POLN: variants seen among roughly 807,000 people sequenced by gnomAD.
POLN encodes the protein DNA polymerase nu.
A neutral mutation model predicts 113.5 loss-of-function variants in POLN; 108 were observed. The ratio of observed to expected loss-of-function variants is 0.95; its 90% CI spans 0.81 to 1.12. The LOEUF (loss-of-function observed/expected upper bound fraction) is 1.12, where lower values mean the gene tolerates loss of function less well. POLN is among the 50% of genes most tolerant of loss of function. The pLI is 0.00. For synonymous variants in POLN, 386 were observed against 391.5 expected (o/e 0.99, Z 0.17); for missense variants, 1,097 against 1,077.1 (o/e 1.02, Z -0.26).
At chr4:2,105,010 T>A (rs543576905) in intron 19 of POLN, among the ~76,000 whole-genome samples, 2 of 152,284 alleles carry the variant, frequency 1.3e-5, no homozygotes, top group South Asian at 4.1e-4. Flanking sequence ...CAGCTACCCT[T>A]TGTTGAGATC....
intron 2 of POLN, chr4:2,240,860 CCAGT>C (rs768714442): frequency 1.1e-5 from 17 of 1,612,776 alleles, no homozygotes; most frequent in East Asian, 4.5e-5. Context: ...CCTCAAACAA[CCAGT>C]CAAAGTCTTC....
chr4:2,237,368 G>A (rs915699238), intron 2 of POLN, among the ~76,000 whole-genome samples: 4 of 146,846 alleles, frequency 2.7e-5, no homozygotes, highest in African/African-American at 1.0e-4. Flanking sequence ...CCCAGGAGCT[G>A]GAGGTTGCAG....
At chr4:2,156,992 C>T in intron 15 of POLN, 139 bp from the exon 16 acceptor site, 1 of 684,698 alleles carries the variant, frequency 1.5e-6, no homozygotes, top group East Asian at 2.7e-5. Flanking sequence ...AACTTCCAAC[C>T]CTGAAATGTC....
chr4:2,106,410 G>A lies in POLN; in HGVS notation c.1983-10477C>T, dbSNP rs1472331112. On this transcript the variant is annotated intron_variant, in intron 19 of 25. Coordinates refer to ENST00000511885, the MANE Select transcript of POLN (RefSeq NM_181808.4). ...ACTTTAGAATGTATTGCCATGTCCTGTGACAATCATCTCGAAGAAGTCTTA... is the reference window on the plus strand; with the variant it reads ...ACTTTAGAATGTATTGCCATGTCCTATGACAATCATCTCGAAGAAGTCTTA... Among the ~76,000 whole-genome samples the A allele has an allele frequency of 2.0e-5, 3 of 152,214 alleles. No homozygotes were observed. The East Asian group carries it at 5.8e-4, about 29-fold the overall frequency.
intron 16 of POLN, among the ~76,000 whole-genome samples, chr4:2,153,022 G>A (rs561949725): frequency 6.6e-6 from 1 of 152,296 alleles, no homozygotes; most frequent in African/African-American, 2.4e-5. Context: ...CAATACAACA[G>A]GACATACGTG....
At chr4:2,154,519 G>C (rs1732376618) in intron 16 of POLN, among the ~76,000 whole-genome samples, 1 of 152,138 alleles carries the variant, frequency 6.6e-6, no homozygotes, top group Non-Finnish European at 1.5e-5. Context: ...GTGTTGGCAA[G>C]GATTAAGGGA....
At chr4:2,163,878 A>G (rs143768756) in intron 13 of POLN, among the ~76,000 whole-genome samples, 276 of 152,312 alleles carry the variant, frequency 1.8e-3, no homozygotes, top group Non-Finnish European at 2.9e-3. Flanking sequence ...CTGTTTTGTG[A>G]TACGGCACAT....
At chr4:2,101,914 T>G (rs1357728522) in intron 19 of POLN, among the ~76,000 whole-genome samples, 1 of 152,064 alleles carries the variant, frequency 6.6e-6, no homozygotes, top group Non-Finnish European at 1.5e-5. Context: ...AGGGCTGAAT[T>G]GTGGGTTAGA....
intron 5 of POLN, among the ~76,000 whole-genome samples, chr4:2,204,213 T>G (rs1294715094): frequency 1.1e-5 from 1 of 92,346 alleles, no homozygotes; most frequent in Non-Finnish European, 2.4e-5. Context: ...ACCAAGAAAA[T>G]AAGAGAAAAA....
rs376746658 is a variant in POLN at position 2,218,277 on chromosome 4, CAAA to C, written c.134-5154_134-5152del. Among the ~76,000 whole-genome samples the C allele has an allele frequency of 3.5e-3, 314 of 89,784 alleles. 1 individual carries two copies. Among genetic ancestry groups the C allele is most frequent in the African/African-American group, 0.011 (293 of 26,566 alleles). 58.9% of individuals were successfully genotyped at this position (89,784 alleles called of 152,430 possible). A position where few individuals can be genotyped will look rare whatever the true frequency, so the allele number is the denominator to read the frequency against. On this transcript the variant is annotated intron_variant, in intron 3 of 25. Coordinates refer to ENST00000511885, the MANE Select transcript of POLN (RefSeq NM_181808.4). ...AGAAAGCCCGTCTCTACTAAAAATA[CAAA>C]AAAAAAAAAAAAAAATTAGCCAGGC...
chr4:2,117,689 G>T (rs1019519506), intron 19 of POLN, among the ~76,000 whole-genome samples: 1 of 152,210 alleles, frequency 6.6e-6, no homozygotes, highest in Non-Finnish European at 1.5e-5. Flanking sequence ...ATCCTGACTG[G>T]GTAGGTGTTG....
rs564595805 is a variant in POLN, at chr4:2,137,714, C to A, written c.1732-6424G>T. Among the ~76,000 whole-genome samples the A allele has an allele frequency of 2.6e-5, 4 of 152,206 alleles. No individual in the cohort carries two copies. In the East Asian group the frequency reaches 5.8e-4, roughly 22 times the overall value. On this transcript the variant is annotated intron_variant, in intron 16 of 25. Coordinates refer to ENST00000511885, the MANE Select transcript of POLN (RefSeq NM_181808.4). ...TTCCCGAGGCTGGCAATCGTCCCCC[C>A]ACTACATACGTTCCATACATTCACA...
At chr4:2,156,375 C>T (rs865979570) in intron 16 of POLN, 6 of 384,256 alleles carry the variant, frequency 1.6e-5, no homozygotes, top group Middle Eastern at 8.1e-4. Context: ...GAATTTAGAG[C>T]TTTTTTTTTT....
intron 19 of POLN, among the ~76,000 whole-genome samples, chr4:2,122,735 T>C (rs1028754243): frequency 1.3e-5 from 2 of 152,184 alleles, no homozygotes; most frequent in Non-Finnish European, 2.9e-5. Flanking sequence ...ATTAAGATGG[T>C]AAATTTTATG....
At position 2,080,941 on chromosome 4, in the gene POLN, G is replaced by C; in HGVS notation, c.2387+17C>G. 5 of 1,613,794 alleles carry C rather than the reference G, an allele frequency of 3.1e-6. No homozygotes were observed. Among genetic ancestry groups the C allele is most frequent in the Non-Finnish European group, 4.2e-6 (5 of 1,179,942 alleles). ...TAACCCTCCCATCCAAGCCCTGGGA[G>C]ACCACCACCCACTGACCTGGCCGTC... On this transcript the variant is annotated intron_variant, in intron 23 of 25. Coordinates refer to ENST00000511885, the MANE Select transcript of POLN (RefSeq NM_181808.4).
At chr4:2,088,979 C>T in intron 20 of POLN, 1 of 883,072 alleles carries the variant, frequency 1.1e-6, no homozygotes, top group African/African-American at 1.7e-5. Context: ...AGGTGGTTTC[C>T]TAGTCAGACA....
chr4:2,110,191 T>G (rs561622454), intron 19 of POLN, among the ~76,000 whole-genome samples: 100 of 152,006 alleles, frequency 6.6e-4, no homozygotes, highest in Admixed American at 3.8e-3. Flanking sequence ...TTGAAACCAA[T>G]GAGAACAAAG....
intron 20 of POLN, among the ~76,000 whole-genome samples, chr4:2,095,038 G>T (rs1376051865): frequency 1.3e-5 from 2 of 152,086 alleles, no homozygotes; most frequent in Non-Finnish European, 2.9e-5. Flanking sequence ...GGCTGGCTGG[G>T]GAAACTAGGC....
In POLN at chr4:2,093,217, C is replaced by T. The variant is rs184493567; in HGVS notation, c.2065+2634G>A. 7.9e-5 allele frequency among the ~76,000 whole-genome samples: 12 copies of T among 152,304 alleles called. No homozygotes were observed. The highest frequency in any genetic ancestry group is 1.9e-4 in the East Asian group (1 of 5,186). On this transcript the variant is annotated intron_variant, in intron 20 of 25. Transcript: ENST00000511885. The surrounding 1 kb of genome is among the most constrained non-coding windows in gnomAD (Gnocchi z 4.1). ...GGACAGCTGCCCCACGGCAGGTGCTCGGCACTCTCATTCTCCATCCCTCCC... is the reference window on the plus strand; with the variant it reads ...GGACAGCTGCCCCACGGCAGGTGCTTGGCACTCTCATTCTCCATCCCTCCC...
Sources: gnomAD v4.1 joint callset for allele counts (sites outside exome capture counted in the v4.1 genomes callset) on GRCh38, gnomAD v4.1.1 for gene constraint, Gnocchi (gnomAD v3.1) non-coding constraint, MANE v1.5 for transcripts, NCBI Gene and HGNC (gene_info 2026-07-23, HGNC 2026-07-21) for gene names.